ENOX1: variants seen among roughly 807,000 people sequenced by gnomAD.
The protein encoded by ENOX1 is ecto-NOX disulfide-thiol exchanger 1, also known as candidate growth-related and time keeping constitutive hydroquinone (NADH) oxidase.
In ENOX1, 42 loss-of-function variants were observed where a neutral mutation model predicts 82.5. That is an observed-to-expected ratio of 0.51 (90% CI 0.40 to 0.66). The LOEUF (loss-of-function observed/expected upper bound fraction) is 0.66. Among genes scored for constraint, ENOX1 ranks in the 30% least tolerant of loss-of-function variants. The pLI, the probability that ENOX1 is intolerant of heterozygous loss-of-function variation, is 0.00. For missense variants in ENOX1, 608 were observed against 811.6 expected, an observed-to-expected ratio of 0.75 and a Z score of 3.05; for synonymous variants, 271 against 282.2, an observed-to-expected ratio of 0.96 and a Z score of 0.40.
rs759724664 is a variant in ENOX1, at chr13:43,285,130, A to C, written c.1446+13216T>G. 4.1e-4 allele frequency among the ~76,000 whole-genome samples: 63 copies of C among 152,212 alleles called. 1 individual carries two copies. The highest frequency in any genetic ancestry group is 7.2e-4 in the Non-Finnish European group (49 of 68,026). On this transcript the variant is annotated intron_variant, in intron 12 of 16. Coordinates refer to ENST00000690772, the MANE Select transcript of ENOX1 (RefSeq NM_001347969.2). ...CTTGTTTAAGTTTCCCTTGATGACT[A>C]TTCAGGGTGCTTTGTTAAACAGAGG... is the stretch of plus-strand genomic sequence containing the variant.
chr13:43,733,347 C>A (rs151139176), intron 1 of ENOX1, among the ~76,000 whole-genome samples: 14 of 152,158 alleles, frequency 9.2e-5, no homozygotes, highest in Non-Finnish European at 1.8e-4. Context: ...ATGGAAGGCA[C>A]AGTAACTGTG....
rs143091375 is a variant in ENOX1, at chr13:43,276,404, C to T, written c.1447-6827G>A. 1.7e-3 allele frequency among the ~76,000 whole-genome samples: 255 copies of T among 152,286 alleles called. 2 individuals are homozygous for T. The highest frequency in any genetic ancestry group is 6.0e-3 in the South Asian group (29 of 4,806). ...TGACCAGCTCTGCCAGATCCCTGTCCTACTGTAGAGCTTGAGATGGAAGTA... is the reference window on the plus strand; with the variant it reads ...TGACCAGCTCTGCCAGATCCCTGTCTTACTGTAGAGCTTGAGATGGAAGTA... On this transcript the variant is annotated intron_variant, in intron 12 of 16. Transcript: ENST00000690772.
At chr13:43,777,242 G>C (rs550711466) in intron 1 of ENOX1, among the ~76,000 whole-genome samples, 16 of 152,290 alleles carry the variant, frequency 1.1e-4, no homozygotes, top group African/African-American at 3.4e-4. Flanking sequence ...TTTATTCTCT[G>C]TTACGCTTTC....
intron 2 of ENOX1, among the ~76,000 whole-genome samples, chr13:43,513,556 T>A (rs775406390): frequency 6.6e-6 from 1 of 152,190 alleles, no homozygotes; most frequent in Admixed American, 6.5e-5. Context: ...TATTCCATTA[T>A]TCTTAACACA....
chr13:43,547,762 C>G (rs1160717373), intron 2 of ENOX1: 1 of 152,212 alleles, frequency 6.6e-6, no homozygotes, highest in Non-Finnish European at 1.5e-5. Context: ...AGATGGCCTA[C>G]AAACCCAATA....
At chr13:43,344,773 T>C in intron 8 of ENOX1, 23 bp from the exon 9 acceptor site, 3 of 1,604,502 alleles carry the variant, frequency 1.9e-6, no homozygotes, top group South Asian at 1.1e-5. Context: ...AACCACCAAG[T>C]ACAAATCATG....
intron 8 of ENOX1, among the ~76,000 whole-genome samples, chr13:43,354,024 CTCCAGGAGG>C (rs1273097572): frequency 6.6e-6 from 1 of 152,340 alleles, no homozygotes; most frequent in Admixed American, 6.5e-5. Context: ...TATGAAATTC[CTCCAGGAGG>C]TCACAGATCA....
chr13:43,532,777 G>A (rs1350731106), intron 2 of ENOX1, among the ~76,000 whole-genome samples: 2 of 151,838 alleles, frequency 1.3e-5, no homozygotes, highest in East Asian at 3.9e-4. Flanking sequence ...AATGTGAAAG[G>A]ATACTAACCT....
chr13:43,687,499 C>G (rs1479478611), intron 1 of ENOX1, among the ~76,000 whole-genome samples: 1 of 152,104 alleles, frequency 6.6e-6, no homozygotes. Flanking sequence ...CCACTTGTAC[C>G]CACCAAGCCA....
chr13:43,322,205 A>T (rs1207984215), intron 11 of ENOX1, among the ~76,000 whole-genome samples, 179 bp downstream of exon 11: 1 of 152,240 alleles, frequency 6.6e-6, no homozygotes, highest in Non-Finnish European at 1.5e-5. Flanking sequence ...AGCAATTTAA[A>T]TCACTCTGTT....
chr13:43,225,973 G>T (rs995148726), intron 15 of ENOX1, among the ~76,000 whole-genome samples: 3 of 152,036 alleles, frequency 2.0e-5, no homozygotes, highest in Admixed American at 6.5e-5. Context: ...TGAAATAATG[G>T]CAATGGTAGA....
rs2058129429 is a variant in ENOX1 at position 43,472,879 on chromosome 13, T to G, written c.-75+11130A>C. The stretch of plus-strand genomic sequence containing the variant: ...AATACTATTTACGTCTTGCCATCTC[T>G]TTTTACAATATTAATTTCACAAATA... On this transcript the variant is annotated intron_variant, in intron 3 of 16. Coordinates refer to ENST00000690772, the MANE Select transcript of ENOX1 (RefSeq NM_001347969.2). Among the ~76,000 whole-genome samples the G allele has an allele frequency of 2.6e-5, 4 of 152,300 alleles. No individual in the cohort carries two copies. In the South Asian group the frequency reaches 8.3e-4, roughly 32 times the overall value.
chr13:43,551,863 T>C (rs897226766), intron 2 of ENOX1, among the ~76,000 whole-genome samples: 1 of 152,212 alleles, frequency 6.6e-6, no homozygotes, highest in African/African-American at 2.4e-5. Context: ...GTGGTAAGCT[T>C]AATGAAATGA....
At chr13:43,236,142 C>T (rs973270315) in intron 15 of ENOX1, among the ~76,000 whole-genome samples, 15 of 152,168 alleles carry the variant, frequency 9.9e-5, no homozygotes, top group Non-Finnish European at 1.8e-4. Flanking sequence ...AGCCTGAAGC[C>T]GATTGTCCTG....
intron 2 of ENOX1, among the ~76,000 whole-genome samples, chr13:43,550,115 G>A (rs887037301): frequency 3.9e-5 from 6 of 152,124 alleles, no homozygotes; most frequent in African/African-American, 1.2e-4. Context: ...TAATGCCTTC[G>A]GTGATCTGAT....
At chr13:43,768,750 A>G (rs2153836859) in intron 1 of ENOX1, among the ~76,000 whole-genome samples, 1 of 152,312 alleles carries the variant, frequency 6.6e-6, no homozygotes, top group Middle Eastern at 3.4e-3. Flanking sequence ...GCCTCTTTCC[A>G]TGTTTCTCAT....
chr13:43,562,629 A>G (rs1407043072), intron 2 of ENOX1, among the ~76,000 whole-genome samples: 1 of 152,176 alleles, frequency 6.6e-6, no homozygotes, highest in Non-Finnish European at 1.5e-5. Context: ...ACAAGCCCCA[A>G]TGATCCACTG....
intron 3 of ENOX1, among the ~76,000 whole-genome samples, chr13:43,449,534 A>C (rs1268030465): frequency 2.6e-5 from 4 of 152,248 alleles, no homozygotes; most frequent in Non-Finnish European, 5.9e-5. Flanking sequence ...TAATATTTTG[A>C]ATTAAAAGGT....
chr13:43,493,651 T>C (rs898335683), intron 2 of ENOX1, among the ~76,000 whole-genome samples: 1 of 152,188 alleles, frequency 6.6e-6, no homozygotes, highest in South Asian at 2.1e-4. Context: ...GCTAATCTCT[T>C]CTGGAAACAC....
Sources: gnomAD v4.1 joint callset for allele counts (sites outside exome capture counted in the v4.1 genomes callset) on GRCh38, gnomAD v4.1.1 for gene constraint, MANE v1.5 for transcripts, NCBI Gene and HGNC (gene_info 2026-07-23, HGNC 2026-07-21) for gene names.